The following BMERB1 variants were observed in gnomAD, a reference collection of about 807,000 sequenced individuals.
BMERB1 encodes the protein bMERB domain containing 1.
A neutral mutation model predicts 23.6 loss-of-function variants in BMERB1; 12 were observed. The ratio of observed to expected loss-of-function variants is 0.51; its 90% CI spans 0.33 to 0.82. The LOEUF is 0.82. Among genes scored for constraint, BMERB1 ranks in the 40% least tolerant of loss-of-function variants. BMERB1 has a pLI of 0.03. For missense variants in BMERB1, 247 were observed against 255.4 expected (o/e 0.97, Z 0.22); for synonymous variants, 122 against 96.6 (o/e 1.26, Z -1.54).
chr16:15,513,621 C>T (rs1567477674), intron 1 of BMERB1, among the ~76,000 whole-genome samples: 1 of 151,986 alleles, frequency 6.6e-6, no homozygotes, highest in Non-Finnish European at 1.5e-5. Flanking sequence ...TCTGCCCAGG[C>T]GCGGTGGCTC....
intron 5 of BMERB1, among the ~76,000 whole-genome samples, chr16:15,585,246 G>A (rs1394737826): frequency 2.6e-5 from 4 of 152,194 alleles, no homozygotes; most frequent in Non-Finnish European, 5.9e-5. Flanking sequence ...CATGGAGGAG[G>A]AGCAAGGAAA....
chr16:15,547,427 C>T (rs1037440460), intron 2 of BMERB1, among the ~76,000 whole-genome samples: 8 of 150,678 alleles, frequency 5.3e-5, no homozygotes, highest in African/African-American at 2.0e-4. Context: ...CTGCAACCTC[C>T]GCCTCCCAGG....
chr16:15,462,601 G>A (rs1259765734), intron 1 of BMERB1, among the ~76,000 whole-genome samples: 1 of 152,118 alleles, frequency 6.6e-6, no homozygotes, highest in African/African-American at 2.4e-5. Context: ...CCTGGGAGAG[G>A]AGGCCGGAGA....
chr16:15,511,277 G>C (rs1357405064), intron 1 of BMERB1, among the ~76,000 whole-genome samples: 1 of 151,914 alleles, frequency 6.6e-6, no homozygotes, highest in African/African-American at 2.4e-5. Context: ...TCTCCTTCCT[G>C]CTTCTCTTTG....
At chr16:15,471,210 T>A (rs1453527990) in intron 1 of BMERB1, among the ~76,000 whole-genome samples, 2 of 152,200 alleles carry the variant, frequency 1.3e-5, no homozygotes, top group Admixed American at 1.3e-4. Context: ...TTGATAGAAT[T>A]CTTCAATGAA....
intron 1 of BMERB1, among the ~76,000 whole-genome samples, chr16:15,470,825 CTTTTTTTT>C (rs35873574): frequency 3.1e-3 from 153 of 49,392 alleles, no homozygotes; most frequent in African/African-American, 0.012. Flanking sequence ...CACCTGGCCT[CTTTTTTTT>C]TTTTTTTTTT....
chr16:15,569,398 A>G (rs140684914), intron 3 of BMERB1, among the ~76,000 whole-genome samples: 95 of 152,258 alleles, frequency 6.2e-4, no homozygotes, highest in African/African-American at 2.3e-3. Flanking sequence ...AGCAGGAGCA[A>G]GAGAGTGAGG....
chr16:15,441,216 T>G lies in BMERB1; in HGVS notation c.106+6457T>G, dbSNP rs567124844. 2.0e-5 allele frequency among the ~76,000 whole-genome samples: 3 copies of G among 152,186 alleles called. No homozygotes were observed. In the East Asian group the frequency reaches 5.8e-4, roughly 29 times the overall value. ...CAAGGGACTAACATGAACTGTTATG[T>G]TTTTTGAGGTTTTTTGTTTTTGAGA... On this transcript the variant is annotated intron_variant, in intron 1 of 5. Transcript: ENST00000300006.
At chr16:15,535,030 C>T (rs924449718) in intron 2 of BMERB1, among the ~76,000 whole-genome samples, 6 of 152,146 alleles carry the variant, frequency 3.9e-5, no homozygotes, top group Non-Finnish European at 5.9e-5. Context: ...GATTTCTGTT[C>T]CTTCTAGTCT....
chr16:15,510,968 C>T (rs137960229), intron 1 of BMERB1, among the ~76,000 whole-genome samples: 40 of 152,270 alleles, frequency 2.6e-4, no homozygotes, highest in African/African-American at 9.4e-4. Context: ...TCTCAAAGTG[C>T]TGGGATTACA....
intron 2 of BMERB1, among the ~76,000 whole-genome samples, chr16:15,528,574 C>T (rs2051932642): frequency 6.6e-6 from 1 of 152,002 alleles, no homozygotes; most frequent in South Asian, 2.1e-4. Flanking sequence ...CCCTTACACA[C>T]ACACACCACT....
At chr16:15,469,945 TCTTC>T (rs1351790017) in intron 1 of BMERB1, among the ~76,000 whole-genome samples, 1 of 152,226 alleles carries the variant, frequency 6.6e-6, no homozygotes, top group Non-Finnish European at 1.5e-5. Context: ...CAGTTTTATT[TCTTC>T]CTTCCTAATT....
intron 1 of BMERB1, among the ~76,000 whole-genome samples, chr16:15,470,092 C>A (rs1042249734): frequency 2.6e-5 from 4 of 152,080 alleles, no homozygotes; most frequent in African/African-American, 9.7e-5. Context: ...AGGTTCTCAC[C>A]ATTAGGATGT....
In BMERB1 at chr16:15,455,004, C is replaced by A. The variant is rs555143944; in HGVS notation, c.106+20245C>A. Among the ~76,000 whole-genome samples the A allele has an allele frequency of 1.5e-4, 23 of 152,156 alleles. No individual in the cohort carries two copies. In the East Asian group the frequency reaches 3.1e-3, roughly 21 times the overall value. On this transcript the variant is annotated intron_variant, in intron 1 of 5. Transcript: ENST00000300006. ...TCCGAGTAGCATTAACAATCTCTTG[C>A]AACAGAGAAAGCTGAAATGAAGAGG...
At chr16:15,572,427 A>G (rs1012819007) in intron 3 of BMERB1, among the ~76,000 whole-genome samples, 1 of 152,158 alleles carries the variant, frequency 6.6e-6, no homozygotes, top group South Asian at 2.1e-4. Flanking sequence ...AGACTTTCCT[A>G]GTTGAAAGAG....
intron 3 of BMERB1, among the ~76,000 whole-genome samples, chr16:15,576,154 C>G (rs1386427232): frequency 1.3e-5 from 2 of 151,810 alleles, no homozygotes; most frequent in African/African-American, 4.8e-5. Context: ...AGTGATTCTC[C>G]TGCCTCAGCC....
intron 1 of BMERB1, among the ~76,000 whole-genome samples, chr16:15,449,549 A>T (rs1170568612): frequency 1.4e-5 from 2 of 146,938 alleles, no homozygotes; most frequent in African/African-American, 5.0e-5. Context: ...TTTTTCTTTA[A>T]TTTTTTTTTT....
At chr16:15,558,136 G>A (rs2030317733) in intron 2 of BMERB1, among the ~76,000 whole-genome samples, 1 of 152,122 alleles carries the variant, frequency 6.6e-6, no homozygotes, top group African/African-American at 2.4e-5. Context: ...CAAGGGTCTG[G>A]CTGTTTCCTT....
At chr16:15,438,941 T>C (rs769992625) in intron 1 of BMERB1, among the ~76,000 whole-genome samples, 46 of 152,224 alleles carry the variant, frequency 3.0e-4, no homozygotes, top group Non-Finnish European at 6.2e-4. Context: ...GCCAATGTTG[T>C]AACACATGAA....
Sources: gnomAD v4.1 joint callset for allele counts (sites outside exome capture counted in the v4.1 genomes callset) on GRCh38, gnomAD v4.1.1 for gene constraint, MANE v1.5 for transcripts, NCBI Gene and HGNC (gene_info 2026-07-23, HGNC 2026-07-21) for gene names.